The following ATG9B variants were observed in gnomAD, a reference collection of about 807,000 sequenced individuals.
ATG9B encodes autophagy related 9B, also known as autophagy-related protein 9B.
A neutral mutation model predicts 92.9 loss-of-function variants in ATG9B; 92 were observed. That is an observed-to-expected ratio of 0.99 (90% CI 0.84 to 1.18). ATG9B has a LOEUF of 1.18. Ranked by LOEUF, ATG9B falls within the 50% of genes most tolerant of loss-of-function variation. The probability of loss-of-function intolerance (pLI) is 0.00; values close to 1 mark genes in which losing one functional copy is unlikely to be tolerated. For synonymous variants in ATG9B, 599 were observed against 551.4 expected (o/e 1.09, Z -1.21); for missense variants, 1,344 against 1,235.0 (o/e 1.09, Z -1.32).
rs920243524 is a variant in ATG9B, at chr7:151,015,606, T to C, written c.*122A>G. 9 of 331,842 alleles carry C rather than the reference T, an allele frequency of 2.7e-5. No homozygotes were observed. Among genetic ancestry groups the C allele is most frequent in the Middle Eastern group, 8.1e-4 (1 of 1,232 alleles). The allele number at this position is 331,842 out of a possible 1,614,324, so 20.6% of individuals were successfully genotyped here. ...GAGTTCCTCACTGACTCCCAGGTCC[T>C]GCCCAACTAAAGCACCTGGGCCTGT... is the stretch of plus-strand genomic sequence containing the variant. On this transcript the variant is annotated 3_prime_UTR_variant, in exon 14 of 14. Transcript: ENST00000639579.
chr7:151,017,321 G>A, intron 8 of ATG9B, 49 bp from the exon 9 acceptor site: 1 of 1,505,938 alleles, frequency 6.6e-7, no homozygotes, highest in Non-Finnish European at 9.0e-7. Context: ...GAGCCTTATG[G>A]GAACAGGTGG....
rs747054031 is a variant in ATG9B at position 151,016,862 on chromosome 7, AAG to A, written c.2290-43_2290-42del. On this transcript the variant is annotated intron_variant, in intron 9 of 13. Coordinates refer to ENST00000639579, the MANE Select transcript of ATG9B (RefSeq NM_001317056.2). Reference sequence around the variant, plus strand: ...GAGGGAAAGCCAAAGAGGGAGTCAGAAGAGAGGACAGAAACGGAGTAGGGAGG... The same window carrying A: ...GAGGGAAAGCCAAAGAGGGAGTCAGAAGAGGACAGAAACGGAGTAGGGAGG... 3.8e-6 allele frequency: 6 copies of A among 1,577,226 alleles called. No individual in the cohort carries two copies. The East Asian group carries it at 9.0e-5, about 24-fold the overall frequency.
rs763819578 is a variant in ATG9B, at chr7:151,024,172, A to G, written c.252T>C (p.Ser84=). 6.4e-7 allele frequency: 1 copy of G among 1,555,042 alleles called. No homozygotes were observed. The highest frequency in any genetic ancestry group is 1.2e-5 in the South Asian group (1 of 80,842). The part of the protein sequence containing the change: ...PCSVLQGTGA[S]QSCHSALPIP... ...TAGGGAGAGCACTGTGGCAAGACTG[A>G]GAAGCCCCTGTCCCCTGTAGCACTG... Residue 84 remains serine, a synonymous_variant, in exon 1 of 14, where the codon TCT becomes TCC. Coordinates refer to ENST00000639579, the MANE Select transcript of ATG9B (RefSeq NM_001317056.2).
At chr7:151,022,720 C>T (rs1261166190) in intron 4 of ATG9B, among the ~76,000 whole-genome samples, 2 of 151,814 alleles carry the variant, frequency 1.3e-5, no homozygotes, top group Admixed American at 1.3e-4. Context: ...CCTATAATCC[C>T]AGCTACTGGG....
In ATG9B at chr7:151,015,974, G is replaced by T; in HGVS notation, c.2697C>A (p.Ala899=). Residue 899 remains alanine, a synonymous_variant, in exon 13 of 14, where the codon GCC becomes GCA. Transcript: ENST00000639579. ...GAAACCCTCCGGGGAACAGATTCCG[G>T]GCCTTCTGGGTTCCCCACTGTTGTC... ...SPRQQWGTQK[A]RNLFPGGFQV... The T allele has an allele frequency of 6.4e-7, 1 of 1,551,648 alleles. No homozygotes were observed. The highest frequency in any genetic ancestry group is 1.2e-5 in the South Asian group (1 of 84,062).
At position 151,024,305 on chromosome 7, in the gene ATG9B, C is replaced by T. The variant is rs1200981686; in HGVS notation, c.119G>A (p.Cys40Tyr). The change falls in exon 1 of 14, where the codon TGC becomes TAC. Residue 40 changes from cysteine (C) to tyrosine (Y), a missense_variant. Physicochemically the swap from Cys to Tyr is radical, Grantham distance 194. Transcript: ENST00000639579. ...MPLPPPPPPS[C>Y]RGPGGGRISI... The stretch of plus-strand genomic sequence containing the variant: ...GATCCTCCCTCCCCCAGGTCCCCGG[C>T]ATGAAGGAGGAGGAGGAGGTGGCAG... The T allele has an allele frequency of 7.0e-7, 1 of 1,426,872 alleles. No homozygotes were observed. Among genetic ancestry groups the T allele is most frequent in the African/African-American group, 1.4e-5 (1 of 69,218 alleles). 88.4% of individuals were successfully genotyped at this position (1,426,872 alleles called of 1,614,324 possible).
At chr7:151,014,017 C>T (rs1399853333), downstream of ATG9B, 6 of 1,612,636 alleles carry the variant, frequency 3.7e-6, no homozygotes, top group African/African-American at 4.0e-5. Context: ...GGATCAGCAA[C>T]GCTACCACGA....
At position 151,015,604 on chromosome 7, in the gene ATG9B, C is replaced by G. The variant is rs940576431; in HGVS notation, c.*124G>C. 3.4e-5 allele frequency: 11 copies of G among 327,922 alleles called. No homozygotes were observed. Among genetic ancestry groups the G allele is most frequent in the African/African-American group, 2.3e-4 (11 of 46,846 alleles). 20.3% of individuals were successfully genotyped at this position (327,922 alleles called of 1,614,324 possible). On this transcript the variant is annotated 3_prime_UTR_variant, in exon 14 of 14. Transcript: ENST00000639579. ...GCGAGTTCCTCACTGACTCCCAGGT[C>G]CTGCCCAACTAAAGCACCTGGGCCT...
chr7:151,013,135 G>T (rs1173176224), downstream of ATG9B: 9 of 1,370,646 alleles, frequency 6.6e-6, no homozygotes, highest in East Asian at 2.3e-5. Context: ...AGCCCAAAAC[G>T]CTGGGCTGCC....
rs778591360 is a variant in ATG9B, at chr7:151,018,969, G to T, written c.1369C>A (p.Gln457Lys). The T allele has an allele frequency of 3.2e-6, 5 of 1,579,838 alleles. No individual in the cohort carries two copies. The highest frequency in any genetic ancestry group is 3.4e-6 in the Non-Finnish European group (4 of 1,167,884). The change falls in exon 6 of 14, where the codon CAG (glutamine) becomes AAG (lysine). Residue 457 changes from glutamine (Q) to lysine (K), a missense_variant. Transcript: ENST00000639579. This position sits in a 1 kb window ranked among gnomAD's most constrained non-coding sequence, Gnocchi z 4.7. ...TGGCTATAGAAGACGTGCAGAACCT[G>T]CCAGGCCAGCACCAGCGGGCTCAGC... ...LALSPLVLAWQVLHVFYSHVE... is the reference protein window; with the variant it reads ...LALSPLVLAWKVLHVFYSHVE...
At chr7:151,019,473 CTG>C in intron 5 of ATG9B, 99 bp from the exon 6 acceptor site, 1 of 1,434,236 alleles carries the variant, frequency 7.0e-7, no homozygotes, top group South Asian at 1.5e-5. Flanking sequence ...AACCCGCAAA[CTG>C]AGTTTGCGAT....
intron 5 of ATG9B, 190 bp downstream of exon 5, chr7:151,020,998 G>C: frequency 1.6e-6 from 1 of 638,534 alleles, no homozygotes; most frequent in South Asian, 1.9e-5. Context: ...CTTAGGGTAA[G>C]GGCCATGCTC....
downstream of ATG9B, chr7:151,012,554 G>A (rs193205608): frequency 4.7e-5 from 69 of 1,481,714 alleles, no homozygotes; most frequent in African/African-American, 8.8e-4. Flanking sequence ...GCAGGAAATA[G>A]GAAAGAGAGG....
chr7:151,023,601 C>T (rs1795833741), intron 2 of ATG9B, 86 bp downstream of exon 2: 1 of 1,609,742 alleles, frequency 6.2e-7, no homozygotes, highest in Non-Finnish European at 8.5e-7. Flanking sequence ...ACCCATGACG[C>T]CCTCACGGAG....
chr7:151,016,749 A>G lies in ATG9B; in HGVS notation c.2362T>C (p.Cys788Arg). The change falls in exon 10 of 14, where the codon TGT (cysteine) becomes CGT (arginine). Residue 788 changes from cysteine (C) to arginine (R), a missense_variant. Cys to Arg is a radical substitution (Grantham distance 180). Coordinates refer to ENST00000639579, the MANE Select transcript of ATG9B (RefSeq NM_001317056.2). ...PPRDLSPTAP[C>R]PAAATASLLA... ...AGGCTGGCTGTGGCCGCAGCTGGAC[A>G]GGGGGCTGTCGGGCTCAGATCTCTC... The G allele has an allele frequency of 6.2e-7, 1 of 1,612,626 alleles. No individual in the cohort carries two copies. Among genetic ancestry groups the G allele is most frequent in the Non-Finnish European group, 8.5e-7 (1 of 1,179,556 alleles).
At chr7:151,013,952 G>A (rs556859497), downstream of ATG9B, 3 of 1,604,286 alleles carry the variant, frequency 1.9e-6, no homozygotes, top group African/African-American at 4.0e-5. Context: ...GAGCGTGCGG[G>A]GTTCCTGCTA....
chr7:151,018,008 G>A lies in ATG9B; in HGVS notation c.1915C>T (p.Leu639=), dbSNP rs371218216. 6.2e-7 allele frequency: 1 copy of A among 1,602,128 alleles called. No homozygotes were observed. The highest frequency in any genetic ancestry group is 1.3e-5 in the African/African-American group (1 of 74,764). The change falls in exon 8 of 14, where the codon CTG becomes TTG. Residue 639 remains leucine (L), a synonymous_variant. Transcript: ENST00000639579. The surrounding 1 kb of genome is among the most constrained non-coding windows in gnomAD (Gnocchi z 4.7). ...EELLSPLLTP[L]FLLFWFRPRA... ...GGGCGGAACCAGAAAAGCAGAAACAGCGGGGTGAGGAGCGGGGACAGGAGC... is the reference window on the plus strand; with the variant it reads ...GGGCGGAACCAGAAAAGCAGAAACAACGGGGTGAGGAGCGGGGACAGGAGC...
chr7:151,012,696 G>C (rs1415398215), downstream of ATG9B: 3 of 500,712 alleles, frequency 6.0e-6, no homozygotes, highest in Non-Finnish European at 1.1e-5. Flanking sequence ...TGACTGGATT[G>C]AGGACAAAGG....
Position 151,016,001 on chromosome 7 carries a change from G to A in ATG9B, c.2670C>T (p.Pro890=), listed in dbSNP as rs978973382. Residue 890 remains proline, a synonymous_variant, in exon 13 of 14, where the codon CCC becomes CCT. Coordinates refer to ENST00000639579, the MANE Select transcript of ATG9B (RefSeq NM_001317056.2). ...CCTTCTGGGTTCCCCACTGTTGTCTGGGGCTAGAGGCAGGACTGGAGCCTG... is the reference window on the plus strand; with the variant it reads ...CCTTCTGGGTTCCCCACTGTTGTCTAGGGCTAGAGGCAGGACTGGAGCCTG... ...SSDGSSPASS[P]RQQWGTQKAR... 1.3e-6 allele frequency: 2 copies of A among 1,551,656 alleles called. No individual in the cohort carries two copies. Among genetic ancestry groups the A allele is most frequent in the Non-Finnish European group, 8.7e-7 (1 of 1,146,968 alleles).
Sources: gnomAD v4.1 joint callset for allele counts (sites outside exome capture counted in the v4.1 genomes callset) on GRCh38, gnomAD v4.1.1 for gene constraint, Gnocchi (gnomAD v3.1) non-coding constraint, MANE v1.5 for transcripts, NCBI Gene and HGNC (gene_info 2026-07-23, HGNC 2026-07-21) for gene names.